Variants in ACOXL observed in about 807,000 individuals in gnomAD.
The protein encoded by ACOXL is acyl-CoA oxidase like.
In ACOXL, 70 loss-of-function variants were observed where a neutral mutation model predicts 71.9. The ratio of observed to expected loss-of-function variants is 0.97; its 90% CI spans 0.80 to 1.19. The LOEUF (loss-of-function observed/expected upper bound fraction) is 1.19, where lower values mean the gene tolerates loss of function less well. ACOXL is among the 50% of genes most tolerant of loss of function. ACOXL has a pLI of 0.00. For synonymous variants in ACOXL, 253 were observed against 281.6 expected (o/e 0.90, Z 1.02); for missense variants, 703 against 736.3 (o/e 0.95, Z 0.52).
chr2:110,745,998 C>G (rs1300637780), intron 1 of ACOXL, among the ~76,000 whole-genome samples: 2 of 152,166 alleles, frequency 1.3e-5, no homozygotes, highest in African/African-American at 2.4e-5. Context: ...TACCCTGTTG[C>G]ACTGAGTGTT....
chr2:110,997,344 C>G (rs1157083), intron 14 of ACOXL, among the ~76,000 whole-genome samples: 12 of 151,976 alleles, frequency 7.9e-5, no homozygotes, highest in African/African-American at 2.9e-4. Context: ...ATTATGCTAA[C>G]GGAAAAAAAA....
At chr2:110,968,944 T>C (rs2062056318) in intron 12 of ACOXL, among the ~76,000 whole-genome samples, 1 of 152,068 alleles carries the variant, frequency 6.6e-6, no homozygotes. Flanking sequence ...CTCAGCAAAT[T>C]TAAAGGAATT....
At chr2:110,790,230 C>T (rs1480177853) in intron 3 of ACOXL, among the ~76,000 whole-genome samples, 2 of 152,182 alleles carry the variant, frequency 1.3e-5, no homozygotes, top group Non-Finnish European at 2.9e-5. Flanking sequence ...GTAGTGGCTC[C>T]GTTGGTGGGT....
intron 10 of ACOXL, among the ~76,000 whole-genome samples, chr2:110,863,706 G>C (rs980374256): frequency 6.6e-6 from 1 of 151,940 alleles, no homozygotes; most frequent in African/African-American, 2.4e-5. Flanking sequence ...GAGCACCTGG[G>C]GTTTATGGCC....
intron 12 of ACOXL, among the ~76,000 whole-genome samples, chr2:110,938,851 T>TA (rs1026489146): frequency 6.9e-5 from 10 of 144,896 alleles, no homozygotes; most frequent in South Asian, 2.3e-4. Flanking sequence ...TTTTTTTTTT[T>TA]AAAAAAACAT....
chr2:111,071,116 A>C (rs2067319735), intron 16 of ACOXL, among the ~76,000 whole-genome samples: 1 of 152,130 alleles, frequency 6.6e-6, no homozygotes, highest in African/African-American at 2.4e-5. Context: ...CTTTCTAAAG[A>C]AGCATAGTTT....
At chr2:111,062,950 G>A (rs2066891157) in intron 16 of ACOXL, among the ~76,000 whole-genome samples, 1 of 152,088 alleles carries the variant, frequency 6.6e-6, no homozygotes, top group Non-Finnish European at 1.5e-5. Context: ...CTACTAGAGT[G>A]AGACAGATTA....
At chr2:110,756,423 C>T (rs78091017) in intron 1 of ACOXL, among the ~76,000 whole-genome samples, 7,286 of 152,272 alleles carry the variant, frequency 0.048, 268 homozygotes, top group Non-Finnish European at 0.065. Flanking sequence ...GCCACCGCAC[C>T]GTGTCAAGGT....
chr2:110,905,575 A>C (rs2059409961), intron 10 of ACOXL, among the ~76,000 whole-genome samples: 1 of 152,208 alleles, frequency 6.6e-6, no homozygotes, highest in South Asian at 2.1e-4. Flanking sequence ...TAATTAACAA[A>C]TTAGGATGCT....
At chr2:110,859,633 G>C (rs1291519394) in intron 10 of ACOXL, among the ~76,000 whole-genome samples, 1 of 152,218 alleles carries the variant, frequency 6.6e-6, no homozygotes, top group Non-Finnish European at 1.5e-5. Flanking sequence ...TTTGCCAGTG[G>C]TGAAACCCGA....
chr2:111,032,983 C>T (rs572188382), intron 15 of ACOXL, among the ~76,000 whole-genome samples: 1 of 152,332 alleles, frequency 6.6e-6, no homozygotes, highest in African/African-American at 2.4e-5. Flanking sequence ...GGACCTTGCA[C>T]CTTTGGGTGA....
intron 12 of ACOXL, among the ~76,000 whole-genome samples, chr2:110,947,836 A>G (rs111280445): frequency 5.9e-5 from 9 of 152,316 alleles, no homozygotes; most frequent in African/African-American, 1.9e-4. Context: ...TTGGCCCTGC[A>G]CAACCACATT....
At chr2:110,989,717 C>T (rs935002304) in intron 13 of ACOXL, among the ~76,000 whole-genome samples, 3 of 152,102 alleles carry the variant, frequency 2.0e-5, no homozygotes, top group South Asian at 2.1e-4. Context: ...ACAGGGTGAA[C>T]GTACTTAATA....
At chr2:111,052,874 G>C (rs528557506) in intron 16 of ACOXL, among the ~76,000 whole-genome samples, 2 of 152,144 alleles carry the variant, frequency 1.3e-5, no homozygotes, top group African/African-American at 4.8e-5. Context: ...TAGGAACTGT[G>C]GGGTAGTCTG....
At chr2:110,820,137 G>A (rs947858996) in intron 9 of ACOXL, among the ~76,000 whole-genome samples, 5 of 152,156 alleles carry the variant, frequency 3.3e-5, no homozygotes, top group Non-Finnish European at 7.3e-5. Context: ...TCTGAACCCA[G>A]GTCCATGTGG....
intron 10 of ACOXL, among the ~76,000 whole-genome samples, chr2:110,885,856 C>A (rs113894041): frequency 2.0e-5 from 3 of 152,260 alleles, no homozygotes; most frequent in African/African-American, 7.2e-5. Context: ...CTGCTCGTAG[C>A]TGTTACACCC....
chr2:111,031,554 C>A (rs901789708), intron 14 of ACOXL, 73 bp from the exon 15 acceptor site: 4 of 1,378,616 alleles, frequency 2.9e-6, no homozygotes, highest in Non-Finnish European at 4.1e-6. Flanking sequence ...GGATGTTTGC[C>A]GTCTGTCTTG....
chr2:110,945,788 C>T (rs1194672419), intron 12 of ACOXL, among the ~76,000 whole-genome samples: 9 of 151,202 alleles, frequency 6.0e-5, no homozygotes, highest in Admixed American at 4.0e-4. Context: ...ATGCCTTCAG[C>T]TTTGTTCATT....
chr2:111,113,139 A>T (rs1366807601), intron 17 of ACOXL: 2 of 152,254 alleles, frequency 1.3e-5, no homozygotes, highest in East Asian at 3.8e-4. Flanking sequence ...ATCCTCCAGC[A>T]ACTGGAAGCA....
Sources: gnomAD v4.1 joint callset for allele counts (sites outside exome capture counted in the v4.1 genomes callset) on GRCh38, gnomAD v4.1.1 for gene constraint, MANE v1.5 for transcripts, NCBI Gene and HGNC (gene_info 2026-07-23, HGNC 2026-07-21) for gene names.